Variants in FAM120B observed in about 807,000 individuals in gnomAD.
FAM120B encodes the protein constitutive coactivator of peroxisome proliferator-activated receptor gamma.
Under a neutral mutation model 96.3 loss-of-function variants are expected in FAM120B, and 83 were observed. The observed-to-expected ratio is 0.86, with a 90% CI of 0.72 to 1.03. The LOEUF (loss-of-function observed/expected upper bound fraction) is 1.03, where lower values mean the gene tolerates loss of function less well. Among genes scored for constraint, FAM120B ranks in the 50% least tolerant of loss-of-function variants. FAM120B has a pLI of 0.00. For synonymous variants in FAM120B, 407 were observed against 402.7 expected (o/e 1.01, Z -0.13); for missense variants, 1,027 against 1,121.2 (o/e 0.92, Z 1.20).
At chr6:170,337,838 C>G (rs1295894302) in intron 4 of FAM120B, among the ~76,000 whole-genome samples, 1 of 152,134 alleles carries the variant, frequency 6.6e-6, no homozygotes, top group Non-Finnish European at 1.5e-5. Flanking sequence ...ATAGTATTCT[C>G]TGATGGTAGT....
At chr6:170,374,582 G>A (rs1341835515) in intron 6 of FAM120B, among the ~76,000 whole-genome samples, 4 of 152,182 alleles carry the variant, frequency 2.6e-5, no homozygotes, top group East Asian at 3.8e-4. Flanking sequence ...CGTAACACTC[G>A]TTCAGAGCAC....
intron 1 of FAM120B, among the ~76,000 whole-genome samples, chr6:170,314,828 C>G (rs1005796492): frequency 1.3e-5 from 2 of 152,184 alleles, no homozygotes; most frequent in African/African-American, 4.8e-5. Context: ...CCTCTAATAT[C>G]ACAAGTTCCC....
chr6:170,347,855 T>G (rs944914915), intron 4 of FAM120B, among the ~76,000 whole-genome samples: 4 of 152,180 alleles, frequency 2.6e-5, no homozygotes, highest in Admixed American at 2.6e-4. Flanking sequence ...TGTTATATCC[T>G]TGAGACAGCG....
chr6:170,362,272 A>G (rs1788506166), intron 6 of FAM120B, among the ~76,000 whole-genome samples: 1 of 152,110 alleles, frequency 6.6e-6, no homozygotes, highest in African/African-American at 2.4e-5. Context: ...TGACAGGAGG[A>G]ATGTTTCTGT....
intron 1 of FAM120B, among the ~76,000 whole-genome samples, chr6:170,300,534 C>T (rs372004935): frequency 7.2e-5 from 11 of 152,180 alleles, no homozygotes; most frequent in African/African-American, 2.2e-4. Context: ...ACCTGCCCAA[C>T]GGTCCCCCAA....
upstream of FAM120B, among the ~76,000 whole-genome samples, chr6:170,303,417 T>C (rs1023338694): frequency 2.6e-5 from 4 of 152,152 alleles, no homozygotes; most frequent in Non-Finnish European, 4.4e-5. Context: ...TTTTTAAAAA[T>C]GTTTTGTAGA....
At chr6:170,340,512 T>C (rs1015497716) in intron 4 of FAM120B, among the ~76,000 whole-genome samples, 2 of 152,240 alleles carry the variant, frequency 1.3e-5, no homozygotes, top group African/African-American at 4.8e-5. Flanking sequence ...AAACTCATTC[T>C]CTCTGTCCAG....
intron 2 of FAM120B, among the ~76,000 whole-genome samples, chr6:170,320,905 A>G (rs1357970154): frequency 1.3e-5 from 2 of 152,246 alleles, no homozygotes; most frequent in Non-Finnish European, 2.9e-5. Flanking sequence ...ATCACATGCT[A>G]CAGAGGTAAA....
intron 4 of FAM120B, among the ~76,000 whole-genome samples, chr6:170,346,119 A>T (rs1021759553): frequency 6.6e-6 from 1 of 152,212 alleles, no homozygotes; most frequent in African/African-American, 2.4e-5. Flanking sequence ...TGTGAGATCT[A>T]TCGATGACCA....
intron 9 of FAM120B, among the ~76,000 whole-genome samples, chr6:170,398,233 T>TA (rs1424618814): frequency 2.6e-5 from 4 of 152,276 alleles, no homozygotes; most frequent in African/African-American, 9.6e-5. Flanking sequence ...GTGTCCTTTC[T>TA]AGCTCTGGAA....
intron 3 of FAM120B, among the ~76,000 whole-genome samples, chr6:170,329,600 T>C (rs905637291): frequency 2.0e-5 from 3 of 152,098 alleles, no homozygotes; most frequent in African/African-American, 7.2e-5. Context: ...CCGACTTTTT[T>C]TTTTTTCTTA....
intron 9 of FAM120B, among the ~76,000 whole-genome samples, chr6:170,398,748 A>G (rs28718425): frequency 2.8e-5 from 4 of 142,720 alleles, no homozygotes; most frequent in African/African-American, 8.1e-5. Flanking sequence ...AGTGAGTGAG[A>G]AAGGTAGAAC....
At chr6:170,298,074 T>C (rs1784058767) in intron 1 of FAM120B, 2 of 152,232 alleles carry the variant, frequency 1.3e-5, no homozygotes, top group South Asian at 4.1e-4. Flanking sequence ...TTTAGTGCCA[T>C]TGTGGACTCA....
intron 3 of FAM120B, among the ~76,000 whole-genome samples, chr6:170,328,918 G>T (rs1366248546): frequency 6.6e-6 from 1 of 152,194 alleles, no homozygotes; most frequent in African/African-American, 2.4e-5. Flanking sequence ...ATTAGGCTGT[G>T]TCCATTGTGG....
Position 170,389,803 on chromosome 6 carries a change from C to T in FAM120B, c.2491-1210C>T, listed in dbSNP as rs949835603. Among the ~76,000 whole-genome samples, 6 of 152,090 alleles carry T rather than the reference C, an allele frequency of 3.9e-5. No individual in the cohort carries two copies. The South Asian group carries it at 6.2e-4, about 16-fold the overall frequency. ...TTGAACTCCTGGGCTCAAAGTGATC[C>T]GTCTGCCTCAGCCTCCCAAAGTGCT... On this transcript the variant is annotated intron_variant, in intron 7 of 10. Coordinates refer to ENST00000476287, the MANE Select transcript of FAM120B (RefSeq NM_032448.3).
In FAM120B at chr6:170,391,095, G is replaced by A. The variant is rs544872777; in HGVS notation, c.2573G>A (p.Arg858Gln). 145 of 1,614,058 alleles carry A rather than the reference G, an allele frequency of 9.0e-5. 2 individuals carry two copies. In the South Asian group the frequency reaches 1.3e-3, roughly 14 times the overall value. Residue 858 changes from arginine (R) to glutamine (Q), a missense_variant, in exon 8 of 11, where the codon CGA (arginine) becomes CAA (glutamine). By Grantham distance (43) the Arg-to-Gln change is conservative. Around this residue, in one of 3 missense-constraint regions of FAM120B, gnomAD observed 142 missense variants for 122.5 expected, o/e 1.16. Transcript: ENST00000476287. Reference sequence around the variant, plus strand: ...AAGGAGAACAGACGCATCACTGGCCGAGCCCACTGGGGCTCACACCACGCA... The same window carrying A: ...AAGGAGAACAGACGCATCACTGGCCAAGCCCACTGGGGCTCACACCACGCA... ...CMKENRRITGRAHWGSHHAGR... is the reference protein window; with the variant it reads ...CMKENRRITGQAHWGSHHAGR...
At chr6:170,333,395 T>C (rs1786195764) in intron 4 of FAM120B, among the ~76,000 whole-genome samples, 1 of 152,188 alleles carries the variant, frequency 6.6e-6, no homozygotes, top group Non-Finnish European at 1.5e-5. Flanking sequence ...CCTCCAGAAA[T>C]TTTCTGCTGT....
chr6:170,368,819 CT>C (rs111448031), intron 6 of FAM120B, among the ~76,000 whole-genome samples: 26 of 26,188 alleles, frequency 9.9e-4, no homozygotes, highest in East Asian at 2.3e-3. Context: ...TCTGCCGGGG[CT>C]GGGGGGGGGG....
chr6:170,366,588 G>A (rs1031945176), intron 6 of FAM120B, among the ~76,000 whole-genome samples: 1 of 152,230 alleles, frequency 6.6e-6, no homozygotes, highest in South Asian at 2.1e-4. Context: ...GCTTCACTTG[G>A]GAGGTGAGGG....
Sources: allele counts gnomAD v4.1 joint callset (sites outside exome capture counted in the v4.1 genomes callset), GRCh38; gene constraint gnomAD v4.1.1; regional missense constraint gnomAD v4.1.1; transcripts MANE v1.5; gene names NCBI Gene and HGNC (gene_info 2026-07-23, HGNC 2026-07-21).